PPFIBP2: variants seen among roughly 807,000 people sequenced by gnomAD.
The protein encoded by PPFIBP2 is PPFIB scaffold protein 2, also known as liprin-beta-2.
In PPFIBP2, 118 loss-of-function variants were observed where a neutral mutation model predicts 118.3. The ratio of observed to expected loss-of-function variants is 1.00; its 90% CI spans 0.86 to 1.16. The LOEUF (loss-of-function observed/expected upper bound fraction) is 1.16, where lower values mean the gene tolerates loss of function less well. Among genes scored for constraint, PPFIBP2 ranks in the 50% most tolerant of loss-of-function variants. The pLI is 0.00. For synonymous variants in PPFIBP2, 414 were observed against 397.4 expected (o/e 1.04, Z -0.50); for missense variants, 1,195 against 1,073.1 (o/e 1.11, Z -1.59).
chr11:7,598,234 G>C (rs1181699740), intron 5 of PPFIBP2: 2 of 289,192 alleles, frequency 6.9e-6, no homozygotes, highest in Non-Finnish European at 1.3e-5. Flanking sequence ...TTCCAAATCT[G>C]TAATCACAAG....
intron 5 of PPFIBP2, among the ~76,000 whole-genome samples, chr11:7,602,087 CAAAA>C (rs201003988): frequency 3.6e-5 from 2 of 56,184 alleles, no homozygotes; most frequent in Non-Finnish European, 7.1e-5. Context: ...GAATGAAACT[CAAAA>C]AAAAAAAAAA....
intron 1 of PPFIBP2, among the ~76,000 whole-genome samples, chr11:7,540,732 C>G (rs555698504): frequency 6.6e-6 from 1 of 152,214 alleles, no homozygotes; most frequent in Admixed American, 6.5e-5. Context: ...AGGGAGATGG[C>G]TGTGCACAGC....
At chr11:7,628,187 A>G (rs1565085193) in intron 8 of PPFIBP2, 98 bp from the exon 9 acceptor site, 2 of 1,000,436 alleles carry the variant, frequency 2.0e-6, no homozygotes, top group East Asian at 2.6e-5. Context: ...CCATGTTCAC[A>G]TGGCAAGTCT....
intron 5 of PPFIBP2, among the ~76,000 whole-genome samples, chr11:7,599,718 C>T (rs1413703232): frequency 6.6e-6 from 1 of 151,328 alleles, no homozygotes; most frequent in South Asian, 2.1e-4. Context: ...GCAACCTCCG[C>T]CTCCTGGGTT....
intron 4 of PPFIBP2, among the ~76,000 whole-genome samples, chr11:7,596,397 T>G (rs1860314317): frequency 1.3e-5 from 2 of 152,018 alleles, no homozygotes; most frequent in Non-Finnish European, 2.9e-5. Context: ...TTGTTTTTTT[T>G]TTTTTTTTTA....
intron 5 of PPFIBP2, among the ~76,000 whole-genome samples, chr11:7,603,973 A>G (rs562839593): frequency 3.3e-5 from 5 of 152,138 alleles, no homozygotes; most frequent in African/African-American, 9.6e-5. Flanking sequence ...GCCTCCCCTC[A>G]ACTCCCTCCC....
chr11:7,602,682 A>G (rs141102956), intron 5 of PPFIBP2, among the ~76,000 whole-genome samples: 4 of 152,324 alleles, frequency 2.6e-5, no homozygotes, highest in Non-Finnish European at 5.9e-5. Context: ...GGGAGCAAGT[A>G]AGGGCATAAT....
At chr11:7,531,555 T>C (rs1564943299) in intron 1 of PPFIBP2, among the ~76,000 whole-genome samples, 1 of 152,188 alleles carries the variant, frequency 6.6e-6, no homozygotes, top group Non-Finnish European at 1.5e-5. Flanking sequence ...GAAGAAAGTC[T>C]CTCCTGGATT....
At chr11:7,665,509 C>T in the PPFIBP2 span, 3 of 1,613,110 alleles carry the variant, frequency 1.9e-6, no homozygotes, top group Non-Finnish European at 2.5e-6. Flanking sequence ...GCTCCTTGAT[C>T]ATGTCGGCAG....
chr11:7,662,851 T>C, the PPFIBP2 span, among the ~76,000 whole-genome samples: 8 of 150,590 alleles, frequency 5.3e-5, no homozygotes, highest in African/African-American at 1.9e-4. Context: ...TCATTTCTTT[T>C]TATTCTTTTT....
At chr11:7,609,944 C>T (rs1465651368) in intron 5 of PPFIBP2, among the ~76,000 whole-genome samples, 4 of 151,744 alleles carry the variant, frequency 2.6e-5, no homozygotes, top group Non-Finnish European at 5.9e-5. Flanking sequence ...CGAGGACCTA[C>T]TGCTTTGTCT....
At chr11:7,655,355 C>T (rs936854522), downstream of PPFIBP2, 17 of 1,138,426 alleles carry the variant, frequency 1.5e-5, no homozygotes, top group African/African-American at 1.3e-4. Context: ...GGCTTGAGCA[C>T]GACAGGACTT....
intron 2 of PPFIBP2, among the ~76,000 whole-genome samples, chr11:7,560,774 T>C (rs970861886): frequency 2.0e-5 from 3 of 152,244 alleles, no homozygotes; most frequent in African/African-American, 7.2e-5. Context: ...AGGGTACCCT[T>C]ATGAACAGCA....
chr11:7,577,597 G>A (rs1218726594), intron 3 of PPFIBP2: 1 of 456,570 alleles, frequency 2.2e-6, no homozygotes, highest in Non-Finnish European at 4.4e-6. Flanking sequence ...CAGCATGGAT[G>A]GGGACATTGA....
At chr11:7,590,813 T>C (rs1590409737) in intron 3 of PPFIBP2, among the ~76,000 whole-genome samples, 1 of 152,244 alleles carries the variant, frequency 6.6e-6, no homozygotes, top group East Asian at 1.9e-4. Context: ...ACAAAAGTAA[T>C]GAGTTCTACT....
intron 3 of PPFIBP2, among the ~76,000 whole-genome samples, chr11:7,591,467 C>T (rs141170977): frequency 0.017 from 1,354 of 78,446 alleles, 105 homozygotes; most frequent in South Asian, 0.036. Flanking sequence ...AATTATTCTC[C>T]TACCTTTTCT....
chr11:7,655,372 C>T (rs1854583658), downstream of PPFIBP2: 1 of 1,215,216 alleles, frequency 8.2e-7, no homozygotes, highest in Non-Finnish European at 1.1e-6. Context: ...ACTTGCATGC[C>T]ATCTCTCTGA....
chr11:7,563,792 A>G (rs1168040045), intron 2 of PPFIBP2, among the ~76,000 whole-genome samples: 1 of 152,196 alleles, frequency 6.6e-6, no homozygotes, highest in African/African-American at 2.4e-5. Context: ...CTGTTGCCCC[A>G]GTTTTGATTT....
rs532831603 is a variant in PPFIBP2, at chr11:7,514,394, A to C, written c.-37+273A>C. ...TGCCTGGGATCCGCGGACAGTCCGC[A>C]CTCCTGCAGGTGCCAGCGTGGCCCT... On this transcript the variant is annotated intron_variant, in intron 1 of 23. Coordinates refer to ENST00000299492, the MANE Select transcript of PPFIBP2 (RefSeq NM_003621.5). Among the ~76,000 whole-genome samples, 36 of 152,140 alleles carry C rather than the reference A, an allele frequency of 2.4e-4. 1 individual carries two copies. Among genetic ancestry groups the C allele is most frequent in the African/African-American group, 7.7e-4 (32 of 41,522 alleles).
Sources: allele counts gnomAD v4.1 joint callset (sites outside exome capture counted in the v4.1 genomes callset), GRCh38; gene constraint gnomAD v4.1.1; transcripts MANE v1.5; gene names NCBI Gene and HGNC (gene_info 2026-07-23, HGNC 2026-07-21).